The following OPRM1 variants were observed in gnomAD, a reference collection of about 807,000 sequenced individuals.
The protein encoded by OPRM1 is opioid receptor mu 1, also known as mu-type opioid receptor.
OPRM1 carries 27 observed loss-of-function variants against 31.8 expected under a neutral mutation model. The ratio of observed to expected loss-of-function variants is 0.85; its 90% confidence interval spans 0.63 to 1.17. The LOEUF is 1.17. Among genes scored for constraint, OPRM1 ranks in the 50% most tolerant of loss-of-function variants. The probability of loss-of-function intolerance (pLI) is 0.00; values close to 1 mark genes in which losing one functional copy is unlikely to be tolerated. For synonymous variants in OPRM1, 196 were observed against 189.9 expected (o/e 1.03, Z -0.26); for missense variants, 536 against 511.1 (o/e 1.05, Z -0.47).
downstream of OPRM1, among the ~76,000 whole-genome samples, chr6:154,134,831 G>A (rs1489779018): frequency 6.6e-6 from 1 of 151,858 alleles, no homozygotes; most frequent in East Asian, 1.9e-4. Flanking sequence ...ACCACTATTT[G>A]AGTCCAAAGA....
chr6:154,076,812 C>T (rs569841390), intron 1 of OPRM1, among the ~76,000 whole-genome samples: 30 of 152,198 alleles, frequency 2.0e-4, no homozygotes, highest in Non-Finnish European at 4.0e-4. Context: ...AGATCTCTCA[C>T]ATTTTCTTCT....
intron 3 of OPRM1, chr6:154,159,756 A>C: frequency 8.1e-7 from 1 of 1,235,570 alleles, no homozygotes; most frequent in South Asian, 1.3e-5. Flanking sequence ...TTTAAGGAAA[A>C]ATGTAAGCTT....
chr6:154,167,775 CT>C lies in OPRM1; in HGVS notation c.1164+76305del, dbSNP rs1184238029. The C allele has an allele frequency of 1.0e-5, 6 of 577,198 alleles. No homozygotes were observed. The African/African-American group carries it at 1.1e-4, about 11-fold the overall frequency. The allele number at this position is 577,198 out of a possible 1,614,324, so 35.8% of individuals were successfully genotyped here. On this transcript the variant is annotated intron_variant, in intron 3 of 3. Transcript: ENST00000337049. ...AGTGCTTTAAGAACGTCAAGATCAT[CT>C]TGCCCTATAAAGGTTATATTTACTT...
intron 3 of OPRM1, among the ~76,000 whole-genome samples, chr6:154,169,364 C>T (rs1365523498): frequency 3.9e-5 from 6 of 152,124 alleles, no homozygotes; most frequent in Admixed American, 3.9e-4. Flanking sequence ...CTGTCACACA[C>T]ACACACACAA....
At chr6:154,030,562 C>T (rs1478985816) in intron 1 of OPRM1, among the ~76,000 whole-genome samples, 1 of 152,028 alleles carries the variant, frequency 6.6e-6, no homozygotes, top group Non-Finnish European at 1.5e-5. Context: ...AGAAAATATT[C>T]ACCAAATACA....
Position 154,127,091 on chromosome 6 carries a change from A to C in OPRM1, c.*8370A>C, listed in dbSNP as rs1797632357. Reference sequence around the variant, plus strand: ...AGCATTGCACTCCAGCCTGGGCAACAGAATGAGATTGTCTCAAAAAAAAAA... The same window carrying C: ...AGCATTGCACTCCAGCCTGGGCAACCGAATGAGATTGTCTCAAAAAAAAAA... On this transcript the variant is annotated 3_prime_UTR_variant, in exon 4 of 4. Coordinates refer to ENST00000330432, the MANE Select transcript of OPRM1 (RefSeq NM_000914.5). Among the ~76,000 whole-genome samples the C allele has an allele frequency of 7.9e-6, 1 of 127,022 alleles. No homozygotes were observed. The highest frequency in any genetic ancestry group is 3.1e-5 in the African/African-American group (1 of 32,646). 83.3% of individuals were successfully genotyped at this position (127,022 alleles called of 152,430 possible).
At chr6:154,215,401 C>T (rs562930290) in intron 3 of OPRM1, among the ~76,000 whole-genome samples, 4 of 152,126 alleles carry the variant, frequency 2.6e-5, no homozygotes, top group African/African-American at 9.6e-5. Context: ...GTCAGAAGTT[C>T]AAGACCAGCC....
At chr6:154,027,377 C>T (rs1437747713) in intron 1 of OPRM1, among the ~76,000 whole-genome samples, 2 of 152,196 alleles carry the variant, frequency 1.3e-5, no homozygotes, top group Non-Finnish European at 2.9e-5. Context: ...GGTGGTGTGA[C>T]ACAAGCACCC....
chr6:154,068,102 T>C (rs1273905989), intron 1 of OPRM1, among the ~76,000 whole-genome samples: 3 of 152,146 alleles, frequency 2.0e-5, no homozygotes, highest in Non-Finnish European at 4.4e-5. Context: ...TAATCCCATA[T>C]ATCTATATTA....
chr6:154,037,358 TA>T (rs772557966), upstream of OPRM1, among the ~76,000 whole-genome samples: 4,036 of 124,074 alleles, frequency 0.033, 59 homozygotes, highest in Non-Finnish European at 0.042. Context: ...AAAATAAAAC[TA>T]AAAAAAAAAA....
At chr6:154,010,608 G>T (rs1278009711) in exon 1 of OPRM1, 1 of 1,527,282 alleles carries the variant, frequency 6.5e-7, no homozygotes, top group Non-Finnish European at 8.8e-7. Flanking sequence ...AGTGTGATCT[G>T]TCACAATATT....
At chr6:154,155,093 G>T (rs752285663) in intron 3 of OPRM1, 1 of 152,116 alleles carries the variant, frequency 6.6e-6, no homozygotes, top group Non-Finnish European at 1.5e-5. Context: ...ATGTGGGAAA[G>T]AACTGAGATG....
At chr6:154,172,055 C>T (rs1027804507) in intron 3 of OPRM1, among the ~76,000 whole-genome samples, 1 of 152,090 alleles carries the variant, frequency 6.6e-6, no homozygotes, top group Non-Finnish European at 1.5e-5. Context: ...CTACATTGTG[C>T]TACTAAAGAT....
chr6:154,214,372 C>A, intron 3 of OPRM1: 1 of 861,384 alleles, frequency 1.2e-6, no homozygotes, highest in South Asian at 1.3e-5. Flanking sequence ...GGTCATGATT[C>A]TACCATCAGT....
intron 1 of OPRM1, among the ~76,000 whole-genome samples, chr6:154,045,663 A>G (rs1011255949): frequency 2.6e-5 from 4 of 152,248 alleles, no homozygotes; most frequent in African/African-American, 9.6e-5. Context: ...TTGATATGGC[A>G]GTCAGTTTCC....
chr6:154,041,814 G>A (rs1019019858), intron 1 of OPRM1, among the ~76,000 whole-genome samples: 1 of 152,160 alleles, frequency 6.6e-6, no homozygotes, highest in Non-Finnish European at 1.5e-5. Context: ...CCTGCCATCT[G>A]AAACATAATA....
intron 1 of OPRM1, among the ~76,000 whole-genome samples, chr6:154,050,740 A>G (rs1782033944): frequency 6.6e-6 from 1 of 152,164 alleles, no homozygotes; most frequent in African/African-American, 2.4e-5. Context: ...CTAATTGCAC[A>G]TTTTAAAATA....
chr6:154,031,580 CA>C (rs562279254), intron 1 of OPRM1, among the ~76,000 whole-genome samples: 91 of 144,442 alleles, frequency 6.3e-4, no homozygotes, highest in Non-Finnish European at 8.3e-4. Flanking sequence ...ACTAAAAATA[CA>C]AAAAAAAAAA....
chr6:154,163,208 C>T (rs553876444), intron 3 of OPRM1, among the ~76,000 whole-genome samples: 1 of 152,342 alleles, frequency 6.6e-6, no homozygotes, highest in South Asian at 2.1e-4. Flanking sequence ...GCCCCTCCAG[C>T]CCACTGCTGC....
Sources: gnomAD v4.1 joint callset for allele counts (sites outside exome capture counted in the v4.1 genomes callset) on GRCh38, gnomAD v4.1.1 for gene constraint, MANE v1.5 for transcripts, NCBI Gene and HGNC (gene_info 2026-07-23, HGNC 2026-07-21) for gene names.